Variants in CUBN observed in about 807,000 individuals in gnomAD.
CUBN encodes 460 kDa receptor.
A neutral mutation model predicts 405.3 loss-of-function variants in CUBN; 282 were observed. That is an observed-to-expected ratio of 0.70 (90% confidence interval 0.63 to 0.77). The LOEUF is 0.77. CUBN is among the 30% of genes least tolerant of loss of function. The pLI is 0.00. For synonymous variants in CUBN, 1,684 were observed against 1,617.0 expected (o/e 1.04, Z -0.99); for missense variants, 4,514 against 4,475.2 (o/e 1.01, Z -0.25).
chr10:16,945,286 T>C (rs565565527), intron 36 of CUBN, among the ~76,000 whole-genome samples: 1 of 152,132 alleles, frequency 6.6e-6, no homozygotes, highest in Non-Finnish European at 1.5e-5. Flanking sequence ...CTAAGGACAA[T>C]GATGGTGTTT....
At chr10:17,008,461 T>TGTGTGTGC (rs1554809215) in intron 28 of CUBN, among the ~76,000 whole-genome samples, 6 of 147,514 alleles carry the variant, frequency 4.1e-5, no homozygotes, top group Admixed American at 6.7e-5. Flanking sequence ...TGTGTGTGTG[T>TGTGTGTGC]GTGCGCGCTT....
At chr10:16,887,008 G>A (rs535998183) in intron 56 of CUBN, among the ~76,000 whole-genome samples, 3 of 152,310 alleles carry the variant, frequency 2.0e-5, no homozygotes, top group East Asian at 1.9e-4. Flanking sequence ...GGCTGGTCTC[G>A]AACTCCCGAC....
chr10:16,877,139 C>A, intron 56 of CUBN, 42 bp from the exon 57 acceptor site: 1 of 1,549,736 alleles, frequency 6.5e-7, no homozygotes, highest in South Asian at 1.1e-5. Context: ...TCAGAACCTA[C>A]ACAAACAATT....
rs143145758 is a variant in CUBN, at chr10:16,922,838, T to C, written c.6646+2403A>G. 2.5e-3 allele frequency among the ~76,000 whole-genome samples: 374 copies of C among 151,140 alleles called. 1 individual carries two copies. The highest frequency in any genetic ancestry group is 5.9e-3 in the Admixed American group (89 of 15,062). On this transcript the variant is annotated intron_variant, in intron 43 of 66. Transcript: ENST00000377833. ...TCTTTCTAGCACTTATTATACCATA[T>C]ACCATGTTCTTTTTTTTTTTTTTTC... is the stretch of plus-strand genomic sequence containing the variant.
intron 13 of CUBN, among the ~76,000 whole-genome samples, chr10:17,100,862 A>G (rs1263240115): frequency 6.6e-6 from 1 of 152,202 alleles, no homozygotes; most frequent in Non-Finnish European, 1.5e-5. Context: ...AATGAGAGGA[A>G]GAATACTGAG....
rs995511130 is a variant in CUBN, at chr10:17,123,702, C to T, written c.388-13G>A. 2 of 1,596,910 alleles carry T rather than the reference C, an allele frequency of 1.3e-6. No homozygotes were observed. The highest frequency in any genetic ancestry group is 4.5e-5 in the East Asian group (2 of 44,788). On this transcript the variant is annotated splice_polypyrimidine_tract_variant and intron_variant, in intron 4 of 66. Transcript: ENST00000377833. ...TTTTGTCAACAGTCTGAAACAAAAACAGGACAGTCAATGAGATGACTTGCA... is the reference window on the plus strand; with the variant it reads ...TTTTGTCAACAGTCTGAAACAAAAATAGGACAGTCAATGAGATGACTTGCA...
intron 36 of CUBN, among the ~76,000 whole-genome samples, chr10:16,942,841 G>A (rs1363151176): frequency 1.5e-5 from 2 of 136,272 alleles, no homozygotes; most frequent in Admixed American, 7.2e-5. Context: ...GAAGGGAAGG[G>A]GGAAGGGGAA....
chr10:17,005,704 A>G (rs1378576426), intron 28 of CUBN, among the ~76,000 whole-genome samples: 1 of 152,096 alleles, frequency 6.6e-6, no homozygotes, highest in Non-Finnish European at 1.5e-5. Flanking sequence ...ATATATTTCT[A>G]CACTTGGTTT....
intron 6 of CUBN, 39 bp from the exon 7 acceptor site, chr10:17,115,636 T>C: frequency 6.2e-7 from 1 of 1,612,752 alleles, no homozygotes; most frequent in African/African-American, 1.3e-5. Context: ...GGGCACGCGC[T>C]TTGGGGCCAG....
intron 6 of CUBN, among the ~76,000 whole-genome samples, chr10:17,119,226 T>G (rs1394396479): frequency 2.0e-5 from 3 of 152,244 alleles, no homozygotes; most frequent in African/African-American, 7.2e-5. Flanking sequence ...TAAAATTTAC[T>G]AATCATCATG....
At chr10:17,118,062 C>T (rs1208539160) in intron 6 of CUBN, among the ~76,000 whole-genome samples, 1 of 152,166 alleles carries the variant, frequency 6.6e-6, no homozygotes, top group Non-Finnish European at 1.5e-5. Flanking sequence ...GCAGTTAAAT[C>T]CTTTCTCTTT....
chr10:17,044,841 T>TG (rs1835088855), intron 25 of CUBN, among the ~76,000 whole-genome samples, 166 bp downstream of exon 25: 1 of 152,202 alleles, frequency 6.6e-6, no homozygotes, highest in Non-Finnish European at 1.5e-5. Context: ...ACTTCGAAGA[T>TG]GGTCACTTTC....
At chr10:16,934,844 T>C (rs545021939) in intron 39 of CUBN, among the ~76,000 whole-genome samples, 1 of 152,022 alleles carries the variant, frequency 6.6e-6, no homozygotes, top group East Asian at 1.9e-4. Context: ...AGTTAGGAAG[T>C]GATGGATGAT....
At chr10:16,888,621 T>A in intron 55 of CUBN, 55 bp from the exon 56 acceptor site, 1 of 1,539,842 alleles carries the variant, frequency 6.5e-7, no homozygotes, top group East Asian at 2.2e-5. Flanking sequence ...GTATCTATTT[T>A]GTCCATGAAG....
chr10:16,874,629 G>A, intron 57 of CUBN, 126 bp from the exon 58 acceptor site: 1 of 1,153,068 alleles, frequency 8.7e-7, no homozygotes, highest in South Asian at 1.3e-5. Flanking sequence ...TTTTCTTAAA[G>A]TGACTTATAT....
intron 43 of CUBN, among the ~76,000 whole-genome samples, chr10:16,923,263 G>C (rs1842090855): frequency 6.6e-6 from 1 of 152,048 alleles, no homozygotes; most frequent in African/African-American, 2.4e-5. Flanking sequence ...TTAATTAACA[G>C]GCCTATTAAT....
chr10:17,037,752 G>C (rs11254338), intron 27 of CUBN, among the ~76,000 whole-genome samples: 11,590 of 152,166 alleles, frequency 0.076, 628 homozygotes, highest in East Asian at 0.25. Context: ...TTGTTACAGA[G>C]AGCCTCAGAA....
intron 28 of CUBN, among the ~76,000 whole-genome samples, chr10:17,001,135 G>A (rs1036662563): frequency 6.6e-5 from 10 of 152,170 alleles, no homozygotes; most frequent in East Asian, 3.8e-4. Context: ...CATTCTTCCC[G>A]GTGGGTTTCT....
chr10:16,828,804 C>T lies in CUBN; in HGVS notation c.10764+1G>A, dbSNP rs374982220. 5.4e-5 allele frequency: 87 copies of T among 1,597,218 alleles called. No homozygotes were observed. Among genetic ancestry groups the T allele is most frequent in the South Asian group, 7.7e-5 (7 of 90,754 alleles). ...GAATATAAAATGTTTGTTTTACTCA[C>T]GCCTCCGCAGTATGGTCCAGAGGAT... On this transcript the variant is annotated splice_donor_variant, in intron 66 of 66. Coordinates refer to ENST00000377833, the MANE Select transcript of CUBN (RefSeq NM_001081.4). LOFTEE classifies it high-confidence loss of function.
Sources: gnomAD v4.1 joint callset for allele counts (sites outside exome capture counted in the v4.1 genomes callset) on GRCh38, gnomAD v4.1.1 for gene constraint, MANE v1.5 for transcripts, NCBI Gene and HGNC (gene_info 2026-07-23, HGNC 2026-07-21) for gene names.